FBXL12: variants seen among roughly 807,000 people sequenced by gnomAD.
FBXL12 encodes the protein F-box and leucine rich repeat protein 12.
Under a neutral mutation model 24.9 loss-of-function variants are expected in FBXL12, and 22 were observed. That is an observed-to-expected ratio of 0.88 (90% CI 0.63 to 1.26). The LOEUF (loss-of-function observed/expected upper bound fraction) is 1.26. Among genes scored for constraint, FBXL12 ranks in the 50% most tolerant of loss-of-function variants. FBXL12 has a pLI of 0.00. For synonymous variants in FBXL12, 193 were observed against 193.8 expected (o/e 1.00, Z 0.03); for missense variants, 384 against 434.1 (o/e 0.88, Z 1.03).
rs376602027 is a variant in FBXL12 at position 9,811,004 on chromosome 19, C to A, written c.873G>T (p.Gly291=). ...MPKLRVLELQ[G]LGWEGQEAEK... The stretch of plus-strand genomic sequence containing the variant: ...CCGCCTCCTGACCCTCCCACCCCAG[C>A]CCCTGCAGCTCAAGGACTCTGAGCT... Residue 291 remains glycine, a synonymous_variant, in exon 3 of 3, where the codon GGG becomes GGT. Transcript: ENST00000247977. This position sits in a 1 kb window ranked among gnomAD's most constrained non-coding sequence, Gnocchi z 6.0. 1 of 1,613,596 alleles carries A rather than the reference C, an allele frequency of 6.2e-7. No individual in the cohort carries two copies. Among genetic ancestry groups the A allele is most frequent in the African/African-American group, 1.3e-5 (1 of 75,032 alleles).
At position 9,811,013 on chromosome 19, in the gene FBXL12, CT is replaced by C; in HGVS notation, c.863del (p.Glu288GlyfsTer68). 1 of 1,613,664 alleles carries C rather than the reference CT, an allele frequency of 6.2e-7. No individual in the cohort carries two copies. Among genetic ancestry groups the C allele is most frequent in the Non-Finnish European group, 8.5e-7 (1 of 1,179,794 alleles). On this transcript the variant is annotated frameshift_variant, in exon 3 of 3. Coordinates refer to ENST00000247977, the MANE Select transcript of FBXL12 (RefSeq NM_017703.3). LOFTEE classifies it high-confidence loss of function. The surrounding 1 kb of genome is among the most constrained non-coding windows in gnomAD (Gnocchi z 6.0). ...CLTMPKLRVL[E>X]LQGLGWEGQE... ...GACCCTCCCACCCCAGCCCCTGCAG[CT>C]CAAGGACTCTGAGCTTGGGCATAGT...
chr19:9,815,202 C>G (rs2045853898), intron 2 of FBXL12, among the ~76,000 whole-genome samples: 1 of 152,174 alleles, frequency 6.6e-6, no homozygotes, highest in Non-Finnish European at 1.5e-5. Context: ...AGGGCCCATG[C>G]AAGTCTGAAA....
chr19:9,817,317 A>G (rs182035350), intron 2 of FBXL12, among the ~76,000 whole-genome samples: 20 of 152,350 alleles, frequency 1.3e-4, no homozygotes, highest in Admixed American at 1.2e-3. Flanking sequence ...GATAAACTGC[A>G]GAGCATAAAT....
At chr19:9,817,223 G>A (rs765307716) in intron 2 of FBXL12, among the ~76,000 whole-genome samples, 2 of 152,224 alleles carry the variant, frequency 1.3e-5, no homozygotes, top group Non-Finnish European at 2.9e-5. Context: ...TTGAGCCCAG[G>A]AGATGGAGGT....
At position 9,811,448 on chromosome 19, in the gene FBXL12, C is replaced by T; in HGVS notation, c.429G>A (p.Lys143=). The part of the protein sequence containing the change: ...SCEISMAWLH[K]QQDPTVLPLL... ...GGGGCAGCACGGTGGGGTCCTGCTG[C>T]TTGTGGAGCCAGGCCATGGAGATCT... The change falls in exon 3 of 3, where the codon AAG becomes AAA. Residue 143 remains lysine (K), a synonymous_variant. Transcript: ENST00000247977. This position sits in a 1 kb window ranked among gnomAD's most constrained non-coding sequence, Gnocchi z 6.0. 1 of 1,613,834 alleles carries T rather than the reference C, an allele frequency of 6.2e-7. No homozygotes were observed. Among genetic ancestry groups the T allele is most frequent in the South Asian group, 1.1e-5 (1 of 91,092 alleles).
intron 2 of FBXL12, chr19:9,813,419 T>C: frequency 2.6e-6 from 1 of 380,128 alleles, no homozygotes; most frequent in Non-Finnish European, 4.4e-6. Flanking sequence ...CACCGCAACC[T>C]CCGCCTCCTG....
intron 2 of FBXL12, chr19:9,814,716 A>T (rs1446148375): frequency 6.6e-6 from 1 of 151,898 alleles, no homozygotes; most frequent in East Asian, 1.9e-4. Context: ...AAAAAAAAAA[A>T]ATTAAGAAAA....
At position 9,818,571 on chromosome 19, in the gene FBXL12, G is replaced by A; in HGVS notation, c.133C>T (p.Arg45Ter). Residue 45 changes from arginine to a stop codon, truncating the protein, a stop_gained, in exon 2 of 3, where the codon CGA becomes TGA. Coordinates refer to ENST00000247977, the MANE Select transcript of FBXL12 (RefSeq NM_017703.3). LOFTEE classifies it high-confidence loss of function. ...GTGTAGAGCGTCAGGTCGACATGTC[G>A]CCACAGCCACCGGTCGTCCACCAGC... ...KRLVDDRWLW[R>*]HVDLTLYTMR... 1.3e-6 allele frequency: 2 copies of A among 1,551,382 alleles called. No homozygotes were observed. The highest frequency in any genetic ancestry group is 1.7e-6 in the Non-Finnish European group (2 of 1,150,390).
Position 9,818,608 on chromosome 19 carries a change from G to A in FBXL12, c.96C>T (p.His32=). ...GGTCGTCCACCAGCCTCTTCCAGCG[G>A]TGACAGACCCTGGGGGAGGGGACGC... ...RDRIRISRVC[H]RWKRLVDDRW... is the part of the protein sequence containing the mutation. The change falls in exon 2 of 3, where the codon CAC becomes CAT. Residue 32 remains histidine (H), a synonymous_variant. Transcript: ENST00000247977. 6.4e-7 allele frequency: 1 copy of A among 1,555,366 alleles called. No individual in the cohort carries two copies. Among genetic ancestry groups the A allele is most frequent in the South Asian group, 1.2e-5 (1 of 84,718 alleles).
chr19:9,812,224 G>C (rs117953749), intron 2 of FBXL12, among the ~76,000 whole-genome samples: 1 of 152,002 alleles, frequency 6.6e-6, no homozygotes, highest in African/African-American at 2.4e-5. Context: ...CACTGCACTC[G>C]GCCACTTAGA....
chr19:9,818,098 G>T, intron 2 of FBXL12: 1 of 386,692 alleles, frequency 2.6e-6, no homozygotes, highest in South Asian at 1.3e-4. Flanking sequence ...CGTGGTTCCA[G>T]CTACTCAGGA....
At position 9,815,990 on chromosome 19, in the gene FBXL12, G is replaced by A. The variant is rs149004704; in HGVS notation, c.159+2555C>T. On this transcript the variant is annotated intron_variant, in intron 2 of 2. Coordinates refer to ENST00000247977, the MANE Select transcript of FBXL12 (RefSeq NM_017703.3). ...GGCTTCTGTGCACCAGCAGGCTCAA[G>A]ACCATGTGGAAGCTGCCAAGACTTG... Among the ~76,000 whole-genome samples, 755 of 152,296 alleles carry A rather than the reference G, an allele frequency of 5.0e-3. 6 individuals are homozygous for A. Among genetic ancestry groups the A allele is most frequent in the African/African-American group, 0.017 (716 of 41,566 alleles).
intron 2 of FBXL12, among the ~76,000 whole-genome samples, chr19:9,815,494 A>G (rs1469208348): frequency 1.3e-5 from 2 of 152,256 alleles, no homozygotes; most frequent in South Asian, 2.1e-4. Flanking sequence ...CAGTGACCCA[A>G]TAGGGACTCT....
intron 2 of FBXL12, chr19:9,814,231 G>A (rs62105744): frequency 0.021 from 3,270 of 159,278 alleles, 43 homozygotes; most frequent in Non-Finnish European, 0.034. Context: ...AAAGAAGCCC[G>A]GGCGCAGTGG....
At chr19:9,813,149 TA>T in intron 2 of FBXL12, 3 of 861,114 alleles carry the variant, frequency 3.5e-6, no homozygotes, top group Non-Finnish European at 4.6e-6. Flanking sequence ...TAGTAGAAAA[TA>T]AAAAATATAT....
Position 9,811,751 on chromosome 19 carries a change from G to C in FBXL12, c.160-34C>G. The stretch of plus-strand genomic sequence containing the variant: ...GCCAGAGATTGGGGTGACAGAGTGA[G>C]AGGTATGGAGCTTCCAAGGCCCCTG... On this transcript the variant is annotated intron_variant, in intron 2 of 2. Transcript: ENST00000247977. The surrounding 1 kb of genome is among the most constrained non-coding windows in gnomAD (Gnocchi z 6.0). 1 of 1,489,450 alleles carries C rather than the reference G, an allele frequency of 6.7e-7. No homozygotes were observed. The highest frequency in any genetic ancestry group is 9.0e-7 in the Non-Finnish European group (1 of 1,115,898). 92.3% of individuals were successfully genotyped at this position (1,489,450 alleles called of 1,614,324 possible). A position where few individuals can be genotyped will look rare whatever the true frequency, so the allele number is the denominator to read the frequency against.
At position 9,811,922 on chromosome 19, in the gene FBXL12, T is replaced by G. The variant is rs1315724984; in HGVS notation, c.160-205A>C. Among the ~76,000 whole-genome samples the G allele has an allele frequency of 6.6e-6, 1 of 151,590 alleles. No homozygotes were observed. Among genetic ancestry groups the G allele is most frequent in the Non-Finnish European group, 1.5e-5 (1 of 67,944 alleles). ...TGCACCATCTTGCCTGCTAGGGCTT[T>G]GAACAAATCTTTTTTTTTTTTTTTT... On this transcript the variant is annotated intron_variant, in intron 2 of 2. Coordinates refer to ENST00000247977, the MANE Select transcript of FBXL12 (RefSeq NM_017703.3). This position sits in a 1 kb window ranked among gnomAD's most constrained non-coding sequence, Gnocchi z 6.0.
rs980972781 is a variant in FBXL12, at chr19:9,810,578, G to A, written c.*318C>T. The A allele has an allele frequency of 4.2e-6, 1 of 239,276 alleles. No homozygotes were observed. The highest frequency in any genetic ancestry group is 2.2e-5 in the African/African-American group (1 of 45,156). The allele number at this position is 239,276 out of a possible 1,614,324, so 14.8% of individuals were successfully genotyped here. Reference sequence around the variant, plus strand: ...CCGTCCTGTTCCTGAAGACGACCATGAAGGTGACTCTTCATTGAGAGCCTC... The same window carrying A: ...CCGTCCTGTTCCTGAAGACGACCATAAAGGTGACTCTTCATTGAGAGCCTC... On this transcript the variant is annotated 3_prime_UTR_variant, in exon 3 of 3. Coordinates refer to ENST00000247977, the MANE Select transcript of FBXL12 (RefSeq NM_017703.3).
intron 2 of FBXL12, among the ~76,000 whole-genome samples, chr19:9,816,319 CAT>C (rs1412854417): frequency 1.3e-5 from 2 of 152,180 alleles, no homozygotes; most frequent in African/African-American, 4.8e-5. Flanking sequence ...TTTTCTATCA[CAT>C]AGTCAGGCTA....
Sources: gnomAD v4.1 joint callset for allele counts (sites outside exome capture counted in the v4.1 genomes callset) on GRCh38, gnomAD v4.1.1 for gene constraint, Gnocchi (gnomAD v3.1) non-coding constraint, MANE v1.5 for transcripts, NCBI Gene and HGNC (gene_info 2026-07-23, HGNC 2026-07-21) for gene names.